The following POM121 variants were observed in gnomAD, a reference collection of about 807,000 sequenced individuals.
POM121 encodes the protein nuclear envelope pore membrane protein POM 121.
Under a neutral mutation model 81.3 loss-of-function variants are expected in POM121, and 32 were observed. The ratio of observed to expected loss-of-function variants is 0.39; its 90% CI spans 0.30 to 0.53. The LOEUF (loss-of-function observed/expected upper bound fraction) is 0.53. POM121 is among the 20% of genes least tolerant of loss of function. The pLI is 0.66. For missense variants in POM121, 1,138 were observed against 1,614.6 expected (o/e 0.70, Z 5.06); for synonymous variants, 514 against 694.2 (o/e 0.74, Z 4.08).
intron 3 of POM121, among the ~76,000 whole-genome samples, chr7:72,899,077 A>G (rs1362227126): frequency 1.5e-5 from 2 of 136,156 alleles, no homozygotes; most frequent in Admixed American, 8.6e-5. Flanking sequence ...CTGCCTCCTC[A>G]GTTCAAGCAA....
Position 72,926,852 on chromosome 7 carries a change from C to T in POM121, c.911C>T (p.Pro304Leu), listed in dbSNP as rs532954210. Residue 304 changes from proline (P) to leucine (L), a missense_variant, in exon 3 of 13, where the codon CCA becomes CTA. Transcript: ENST00000434423. ...CTGTCCTCACCATCAAGTAACGCCCCAGACCCATGTGCAAAGGAGACAGTA... is the reference window on the plus strand; with the variant it reads ...CTGTCCTCACCATCAAGTAACGCCCTAGACCCATGTGCAAAGGAGACAGTA... ...STLSSPSSNA[P>L]DPCAKETVLS... 3 of 1,613,962 alleles carry T rather than the reference C, an allele frequency of 1.9e-6. No homozygotes were observed. The East Asian group carries it at 6.7e-5, about 36-fold the overall frequency.
intron 5 of POM121, among the ~76,000 whole-genome samples, chr7:72,931,427 G>A (rs1234094788): frequency 6.6e-6 from 1 of 152,124 alleles, no homozygotes; most frequent in African/African-American, 2.4e-5. Context: ...AGATCCTCTA[G>A]AAAGGGGAAT....
chr7:72,895,679 G>T (rs553133907), intron 3 of POM121, among the ~76,000 whole-genome samples: 78 of 152,200 alleles, frequency 5.1e-4, no homozygotes, highest in African/African-American at 1.8e-3. Context: ...CAGCACTGTG[G>T]GAGGTGGAGG....
At chr7:72,911,304 G>A (rs1482787285) in intron 3 of POM121, among the ~76,000 whole-genome samples, 1 of 152,212 alleles carries the variant, frequency 6.6e-6, no homozygotes, top group Admixed American at 6.5e-5. Flanking sequence ...TTTTGAACAG[G>A]GGTTTTAGTT....
intron 6 of POM121, among the ~76,000 whole-genome samples, chr7:72,939,040 C>G (rs868993089): frequency 6.6e-6 from 1 of 152,230 alleles, no homozygotes; most frequent in African/African-American, 2.4e-5. Context: ...ATGCCACTCC[C>G]TCAGGGATCA....
chr7:72,893,329 A>T (rs1479056601), intron 3 of POM121, among the ~76,000 whole-genome samples: 9 of 151,402 alleles, frequency 5.9e-5, no homozygotes, highest in African/African-American at 1.9e-4. Context: ...CATGCCTGTA[A>T]TCCCAGCACT....
intron 3 of POM121, among the ~76,000 whole-genome samples, chr7:72,906,789 A>G (rs1203971664): frequency 1.3e-5 from 2 of 151,168 alleles, no homozygotes; most frequent in African/African-American, 4.9e-5. Context: ...TGCCTGGCTA[A>G]TCTTTTTTTT....
chr7:72,890,393 C>T (rs1554490690), intron 1 of POM121, among the ~76,000 whole-genome samples: 1 of 152,010 alleles, frequency 6.6e-6, no homozygotes, highest in African/African-American at 2.4e-5. Flanking sequence ...CTCATATCCC[C>T]AAAACACAGT....
chr7:72,918,319 C>T (rs1458008316), intron 4 of POM121, among the ~76,000 whole-genome samples: 4 of 152,038 alleles, frequency 2.6e-5, no homozygotes, highest in African/African-American at 7.2e-5. Context: ...CGCTAGACCA[C>T]GGTCTGCCTG....
At chr7:72,889,107 TTA>T (rs1791042704) in intron 1 of POM121, among the ~76,000 whole-genome samples, 1 of 152,244 alleles carries the variant, frequency 6.6e-6, no homozygotes, top group Non-Finnish European at 1.5e-5. Context: ...ACATGTAATT[TTA>T]TGTTATTTAT....
chr7:72,946,316 C>T lies in POM121; in HGVS notation c.*82C>T. On this transcript the variant is annotated 3_prime_UTR_variant, in exon 13 of 13. Coordinates refer to ENST00000434423, the MANE Select transcript of POM121 (RefSeq NM_001387691.1). ...CTGCTAGGAAGAGCCTTGGACCCTTCCAGTTGCGTAAAGCAAACCTACCCC... is the reference window on the plus strand; with the variant it reads ...CTGCTAGGAAGAGCCTTGGACCCTTTCAGTTGCGTAAAGCAAACCTACCCC... 1 of 1,542,832 alleles carries T rather than the reference C, an allele frequency of 6.5e-7. No homozygotes were observed. The highest frequency in any genetic ancestry group is 1.2e-5 in the South Asian group (1 of 83,160).
chr7:72,895,725 C>T (rs1791877341), intron 3 of POM121, among the ~76,000 whole-genome samples: 1 of 151,812 alleles, frequency 6.6e-6, no homozygotes, highest in African/African-American at 2.4e-5. Flanking sequence ...TTCGAGACCA[C>T]CCTGGCCAAC....
At chr7:72,924,178 C>G (rs1255754119), upstream of POM121, among the ~76,000 whole-genome samples, 1 of 149,442 alleles carries the variant, frequency 6.7e-6, no homozygotes, top group South Asian at 2.1e-4. Context: ...GATCTCCTGA[C>G]CTTGTGATCC....
chr7:72,926,015 G>A (rs1795408318), intron 1 of POM121, among the ~76,000 whole-genome samples: 1 of 152,110 alleles, frequency 6.6e-6, no homozygotes, highest in Non-Finnish European at 1.5e-5. Flanking sequence ...CAGCCTAGAT[G>A]TAGTCTAGAT....
rs1473589794 is a variant in POM121, at chr7:72,895,779, C to A, written c.-216+4669C>A. ...GAAAAATTAGCCAGGCGTGGTGGTGCACGCCTGTAATCCCAGCTACTCCAG... is the reference window on the plus strand; with the variant it reads ...GAAAAATTAGCCAGGCGTGGTGGTGAACGCCTGTAATCCCAGCTACTCCAG... On this transcript the variant is annotated intron_variant, in intron 3 of 15. Coordinates refer to the POM121 transcript ENST00000395270. Among the ~76,000 whole-genome samples the A allele has an allele frequency of 3.3e-5, 5 of 151,894 alleles. No individual in the cohort carries two copies. The East Asian group carries it at 9.7e-4, about 29-fold the overall frequency.
In POM121 at chr7:72,919,720, G is replaced by T. The variant is rs539982986; in HGVS notation, c.-152+5892G>T. Among the ~76,000 whole-genome samples the T allele has an allele frequency of 2.0e-4, 31 of 152,178 alleles. 1 individual carries two copies. Among genetic ancestry groups the T allele is most frequent in the African/African-American group, 7.5e-4 (31 of 41,516 alleles). ...TGGTCTCGAACTCTGAGGCTCAAGCGATCTGCCCACCTCAGCCTTAAAGTG... is the reference window on the plus strand; with the variant it reads ...TGGTCTCGAACTCTGAGGCTCAAGCTATCTGCCCACCTCAGCCTTAAAGTG... On this transcript the variant is annotated intron_variant, in intron 4 of 15. Coordinates refer to the POM121 transcript ENST00000395270.
intron 3 of POM121, among the ~76,000 whole-genome samples, chr7:72,899,982 C>A (rs549971475): frequency 6.0e-4 from 91 of 152,292 alleles, no homozygotes; most frequent in South Asian, 2.1e-3. Flanking sequence ...ATTTTCTAAA[C>A]CTGGCCAAGC....
At chr7:72,929,324 T>C (rs1219191417) in intron 4 of POM121, among the ~76,000 whole-genome samples, 2 of 152,226 alleles carry the variant, frequency 1.3e-5, no homozygotes, top group Non-Finnish European at 2.9e-5. Context: ...GGAAATACAC[T>C]GTAATCCACT....
At chr7:72,931,067 G>T (rs113733546) in intron 5 of POM121, among the ~76,000 whole-genome samples, 1 of 152,054 alleles carries the variant, frequency 6.6e-6, no homozygotes, top group Admixed American at 6.6e-5. Context: ...ATTTTGAGAC[G>T]AGTTCATCAG....
Sources: allele counts gnomAD v4.1 joint callset (sites outside exome capture counted in the v4.1 genomes callset), GRCh38; gene constraint gnomAD v4.1.1; transcripts MANE v1.5; gene names NCBI Gene and HGNC (gene_info 2026-07-23, HGNC 2026-07-21).